The following EPHA4 variants were observed in gnomAD, a reference collection of about 807,000 sequenced individuals.
EPHA4 encodes ephrin type-A receptor 4.
EPHA4 carries 19 observed loss-of-function variants against 108.3 expected under a neutral mutation model. The ratio of observed to expected loss-of-function variants is 0.18; its 90% CI spans 0.12 to 0.26. The LOEUF (loss-of-function observed/expected upper bound fraction) is 0.26. Ranked by LOEUF, EPHA4 falls within the 10% of genes least tolerant of loss-of-function variation. The pLI is 1.00. For synonymous variants in EPHA4, 449 were observed against 455.5 expected, an observed-to-expected ratio of 0.99 and a Z score of 0.18; for missense variants, 917 against 1,254.0, an observed-to-expected ratio of 0.73 and a Z score of 4.06.
intron 3 of EPHA4, among the ~76,000 whole-genome samples, chr2:221,508,469 T>G (rs1261062358): frequency 1.3e-5 from 2 of 151,812 alleles, no homozygotes; most frequent in Non-Finnish European, 2.9e-5. Context: ...GTTCCAGCTA[T>G]TCTGGAGGCT....
chr2:221,426,510 C>G lies in EPHA4; in HGVS notation c.2800G>C (p.Ala934Pro). 1 of 1,613,994 alleles carries G rather than the reference C, an allele frequency of 6.2e-7. No homozygotes were observed. Among genetic ancestry groups the G allele is most frequent in the South Asian group, 1.1e-5 (1 of 90,998 alleles). Residue 934 changes from alanine (A) to proline (P), a missense_variant, in exon 16 of 18, where the codon GCT becomes CCT. Around this residue, in one of 3 missense-constraint regions of EPHA4, gnomAD observed 133 missense variants for 132.8 expected, o/e 1.00. Coordinates refer to ENST00000281821, the MANE Select transcript of EPHA4 (RefSeq NM_004438.5). ...KMDRYKDNFT[A>P]AGYTTLEAVV... ...GCCTCTAGTGTGGTATAACCAGCAGCTGTGAAGTTATCCTTATACCGGTCC... is the reference window on the plus strand; with the variant it reads ...GCCTCTAGTGTGGTATAACCAGCAGGTGTGAAGTTATCCTTATACCGGTCC...
At chr2:221,564,473 G>C in intron 2 of EPHA4, 79 bp from the exon 3 acceptor site, 1 of 1,391,856 alleles carries the variant, frequency 7.2e-7, no homozygotes, top group Non-Finnish European at 9.8e-7. Context: ...TATTCTCATA[G>C]GACACCTGAT....
chr2:221,468,868 C>A (rs148416807), intron 5 of EPHA4, among the ~76,000 whole-genome samples: 56 of 152,316 alleles, frequency 3.7e-4, no homozygotes, highest in African/African-American at 1.2e-3. Context: ...ATAAATAGAT[C>A]CACTATGGTT....
intron 3 of EPHA4, chr2:221,502,601 A>G: frequency 4.2e-6 from 2 of 471,108 alleles, no homozygotes. Context: ...TCTCACTGTC[A>G]CTACTCATCC....
At chr2:221,445,590 A>G (rs1223859285) in intron 9 of EPHA4, among the ~76,000 whole-genome samples, 7 of 40,458 alleles carry the variant, frequency 1.7e-4, no homozygotes, top group Non-Finnish European at 2.5e-4. Context: ...ACTCCGTCAG[A>G]AAAAAAAAAA....
chr2:221,443,268 A>G (rs888864008), intron 10 of EPHA4, among the ~76,000 whole-genome samples: 2 of 152,224 alleles, frequency 1.3e-5, no homozygotes, highest in African/African-American at 4.8e-5. Context: ...AATCTTTTGA[A>G]TGCAATCAAT....
At chr2:221,545,071 A>G (rs372343473) in intron 3 of EPHA4, among the ~76,000 whole-genome samples, 6 of 152,362 alleles carry the variant, frequency 3.9e-5, no homozygotes, top group South Asian at 2.1e-4. Context: ...GAACTGACTG[A>G]TAAGTCTCCC....
At chr2:221,465,502 T>C (rs1691281112) in intron 5 of EPHA4, among the ~76,000 whole-genome samples, 1 of 152,200 alleles carries the variant, frequency 6.6e-6, no homozygotes, top group Non-Finnish European at 1.5e-5. Flanking sequence ...TTGGCCTCTT[T>C]GGCTAAGGCA....
At chr2:221,441,703 A>T (rs1344626310) in intron 11 of EPHA4, among the ~76,000 whole-genome samples, 1 of 151,902 alleles carries the variant, frequency 6.6e-6, no homozygotes, top group Non-Finnish European at 1.5e-5. Flanking sequence ...ACTGGCAACC[A>T]CTCGCCCAGG....
chr2:221,489,686 A>C (rs1206065344), intron 4 of EPHA4, among the ~76,000 whole-genome samples: 1 of 152,212 alleles, frequency 6.6e-6, no homozygotes, highest in East Asian at 1.9e-4. Context: ...CATAAGCTCC[A>C]GGAGAAAAGG....
chr2:221,468,768 A>G (rs969294895), intron 5 of EPHA4, among the ~76,000 whole-genome samples: 1 of 152,220 alleles, frequency 6.6e-6, no homozygotes, highest in African/African-American at 2.4e-5. Flanking sequence ...ATTACTTTAT[A>G]TCAGATGCTT....
chr2:221,555,977 A>G (rs1694291390), intron 3 of EPHA4, among the ~76,000 whole-genome samples: 1 of 152,208 alleles, frequency 6.6e-6, no homozygotes, highest in Non-Finnish European at 1.5e-5. Flanking sequence ...TGACCTGCAG[A>G]AGTGCAGTCT....
rs1322786319 is a variant in EPHA4 at position 221,571,878 on chromosome 2, C to T, written c.91+280G>A. On this transcript the variant is annotated intron_variant, in intron 1 of 17. Coordinates refer to ENST00000281821, the MANE Select transcript of EPHA4 (RefSeq NM_004438.5). The surrounding 1 kb of genome is among the most constrained non-coding windows in gnomAD (Gnocchi z 6.3). ...TCTCCCGTGCATCCCCTCAGGGCGC[C>T]TCGAGCGGGCCTCTCTGGCGGATGC... Among the ~76,000 whole-genome samples the T allele has an allele frequency of 6.6e-6, 1 of 152,208 alleles. No homozygotes were observed. Among genetic ancestry groups the T allele is most frequent in the African/African-American group, 2.4e-5 (1 of 41,460 alleles).
At position 221,548,921 on chromosome 2, in the gene EPHA4, G is replaced by A. The variant is rs146708986; in HGVS notation, c.823+14810C>T. On this transcript the variant is annotated intron_variant, in intron 3 of 17. Transcript: ENST00000281821. ...GTTTTGGCCTGTCAAAATGACTGAG[G>A]ACGACACCAGGATTTACCGCTCAGG... Among the ~76,000 whole-genome samples the A allele has an allele frequency of 2.3e-3, 346 of 152,246 alleles. 1 individual carries two copies. Among genetic ancestry groups the A allele is most frequent in the African/African-American group, 7.9e-3 (329 of 41,530 alleles).
chr2:221,511,221 G>A (rs1016568439), intron 3 of EPHA4, among the ~76,000 whole-genome samples: 1 of 152,138 alleles, frequency 6.6e-6, no homozygotes, highest in African/African-American at 2.4e-5. Flanking sequence ...CCCTGTTAAA[G>A]TGAACTAAAA....
intron 11 of EPHA4, among the ~76,000 whole-genome samples, chr2:221,442,457 C>T (rs1690457136): frequency 6.6e-6 from 1 of 152,100 alleles, no homozygotes; most frequent in African/African-American, 2.4e-5. Flanking sequence ...GATTCCAGCA[C>T]AAGGTGTGGC....
chr2:221,450,330 G>A (rs1353284695), intron 8 of EPHA4, among the ~76,000 whole-genome samples: 2 of 152,086 alleles, frequency 1.3e-5, no homozygotes, highest in Non-Finnish European at 2.9e-5. Context: ...GCTCCAAAGT[G>A]GAATATCTTA....
chr2:221,456,091 TC>T (rs1690944242), intron 7 of EPHA4, among the ~76,000 whole-genome samples: 1 of 152,092 alleles, frequency 6.6e-6, no homozygotes, highest in East Asian at 1.9e-4. Flanking sequence ...GGTAGACCCC[TC>T]TTAAGCACTT....
At chr2:221,550,472 C>T (rs1028243167) in intron 3 of EPHA4, among the ~76,000 whole-genome samples, 4 of 140,922 alleles carry the variant, frequency 2.8e-5, no homozygotes, top group African/African-American at 1.1e-4. Context: ...CTAATGTCAC[C>T]TGGATATTTA....
Sources: allele counts gnomAD v4.1 joint callset (sites outside exome capture counted in the v4.1 genomes callset), GRCh38; gene constraint gnomAD v4.1.1; regional missense constraint gnomAD v4.1.1; non-coding constraint Gnocchi (gnomAD v3.1); transcripts MANE v1.5; gene names NCBI Gene and HGNC (gene_info 2026-07-23, HGNC 2026-07-21).